PPP1R3G: variants seen among roughly 807,000 people sequenced by gnomAD.
PPP1R3G encodes protein phosphatase 1 regulatory subunit 3G.
PPP1R3G carries 3 observed loss-of-function variants against 2.0 expected under a neutral mutation model. The ratio of observed to expected loss-of-function variants is 1.47; its 90% CI spans 0.67 to 3.81. The LOEUF is 3.81. Among genes scored for constraint, PPP1R3G ranks in the 30% most tolerant of loss-of-function variants. The pLI is 0.02. For synonymous variants in PPP1R3G, 267 were observed against 250.9 expected (o/e 1.06, Z -0.61); for missense variants, 595 against 517.0 (o/e 1.15, Z -1.46).
chr6:5,086,710 C>A lies in PPP1R3G; in HGVS notation c.*148C>A. 2 of 676,602 alleles carry A rather than the reference C, an allele frequency of 3.0e-6. No individual in the cohort carries two copies. The highest frequency in any genetic ancestry group is 4.9e-6 in the Non-Finnish European group (2 of 407,940). 41.9% of individuals were successfully genotyped at this position (676,602 alleles called of 1,614,324 possible). A position where few individuals can be genotyped will look rare whatever the true frequency, so the allele number is the denominator to read the frequency against. ...GGAGGGAAAGGAGGGAGACTTTGAA[C>A]CGTCGACTCGCACCCCCGCAGACAA... On this transcript the variant is annotated 3_prime_UTR_variant, in exon 1 of 1. Transcript: ENST00000405617.
chr6:5,086,137 G>A lies in PPP1R3G; in HGVS notation c.652G>A (p.Val218Met). The A allele has an allele frequency of 6.7e-7, 1 of 1,492,054 alleles. No homozygotes were observed. Among genetic ancestry groups the A allele is most frequent in the Non-Finnish European group, 8.9e-7 (1 of 1,128,970 alleles). The allele number at this position is 1,492,054 out of a possible 1,614,324, so 92.4% of individuals were successfully genotyped here. A position where few individuals can be genotyped will look rare whatever the true frequency, so the allele number is the denominator to read the frequency against. ...GGCCGAGCGTCTGCAGCGGCAGCGC[G>A]TGTGCCTGGAGCGCGTGCAGTGCTC... ...AAAERLQRQR[V>M]CLERVQCSTA... Residue 218 changes from valine (V) to methionine (M), a missense_variant, in exon 1 of 1, where the codon GTG becomes ATG. Transcript: ENST00000405617.
Position 5,086,127 on chromosome 6 carries a change from G to A in PPP1R3G, c.642G>A (p.Gln214=). 1 of 1,477,046 alleles carries A rather than the reference G, an allele frequency of 6.8e-7. No individual in the cohort carries two copies. The highest frequency in any genetic ancestry group is 8.9e-7 in the Non-Finnish European group (1 of 1,122,946). 91.5% of individuals were successfully genotyped at this position (1,477,046 alleles called of 1,614,324 possible). A position where few individuals can be genotyped will look rare whatever the true frequency, so the allele number is the denominator to read the frequency against. Residue 214 remains glutamine, a synonymous_variant, in exon 1 of 1, where the codon CAG becomes CAA. Coordinates refer to ENST00000405617, the MANE Select transcript of PPP1R3G (RefSeq NM_001145115.3). The part of the protein sequence containing the change: ...PGPSAAAERL[Q]RQRVCLERVQ... ...CGAGCGCCGCGGCCGAGCGTCTGCA[G>A]CGGCAGCGCGTGTGCCTGGAGCGCG... is the stretch of plus-strand genomic sequence containing the variant.
chr6:5,085,880 T>G lies in PPP1R3G; in HGVS notation c.395T>G (p.Val132Gly). The G allele has an allele frequency of 6.5e-7, 1 of 1,531,296 alleles. No individual in the cohort carries two copies. The highest frequency in any genetic ancestry group is 1.4e-5 in the African/African-American group (1 of 72,570). 94.9% of individuals were successfully genotyped at this position (1,531,296 alleles called of 1,614,324 possible). A position where few individuals can be genotyped will look rare whatever the true frequency, so the allele number is the denominator to read the frequency against. The change falls in exon 1 of 1, where the codon GTG becomes GGG. Residue 132 changes from valine to glycine, a missense_variant. By Grantham distance (109) the Val-to-Gly change is moderately radical. Transcript: ENST00000405617. The part of the protein sequence containing the change: ...GGCCAKCKKR[V>G]QFADTLGLSL... ...TGCTGCGCCAAGTGCAAGAAGCGGG[T>G]GCAGTTCGCGGACACGCTGGGGCTA...
At position 5,087,995 on chromosome 6, in the gene PPP1R3G, A is replaced by G. The variant is rs949184591; in HGVS notation, c.*1433A>G. The G allele has an allele frequency of 4.6e-5, 7 of 152,198 alleles. No individual in the cohort carries two copies. The highest frequency in any genetic ancestry group is 1.4e-4 in the African/African-American group (6 of 41,444). 9.4% of individuals were successfully genotyped at this position (152,198 alleles called of 1,614,324 possible). On this transcript the variant is annotated 3_prime_UTR_variant, in exon 1 of 1. Coordinates refer to ENST00000405617, the MANE Select transcript of PPP1R3G (RefSeq NM_001145115.3). The stretch of plus-strand genomic sequence containing the variant: ...GTTGCTTGATAGAACAGGGCTGGGC[A>G]TACGTACATTTGGCCCATGGGCCAA...
rs1384638417 is a variant in PPP1R3G, at chr6:5,085,420, G to A, written c.-66G>A. ...CAGCCCTGCGCTCCTTCCACGGCCCGAGGAGTTAGTTAAGTCTCCAGAGGG... is the reference window on the plus strand; with the variant it reads ...CAGCCCTGCGCTCCTTCCACGGCCCAAGGAGTTAGTTAAGTCTCCAGAGGG... On this transcript the variant is annotated 5_prime_UTR_variant, in exon 1 of 1. Transcript: ENST00000405617. 13 of 1,211,774 alleles carry A rather than the reference G, an allele frequency of 1.1e-5. No homozygotes were observed. The highest frequency in any genetic ancestry group is 1.5e-5 in the South Asian group (1 of 68,810). The allele number at this position is 1,211,774 out of a possible 1,614,324, so 75.1% of individuals were successfully genotyped here.
Position 5,088,818 on chromosome 6 carries a change from C to T in PPP1R3G, c.*2256C>T, listed in dbSNP as rs1414215752. On this transcript the variant is annotated 3_prime_UTR_variant, in exon 1 of 1. Coordinates refer to ENST00000405617, the MANE Select transcript of PPP1R3G (RefSeq NM_001145115.3). ...AATAAACACGAAAATGTGAAAAGTG[C>T]GGTTATCATTGTGTCAGGCAGGGGA... 2.6e-5 allele frequency: 4 copies of T among 152,134 alleles called. No individual in the cohort carries two copies. The highest frequency in any genetic ancestry group is 7.2e-5 in the African/African-American group (3 of 41,414). 9.4% of individuals were successfully genotyped at this position (152,134 alleles called of 1,614,324 possible).
rs1337458651 is a variant in PPP1R3G, at chr6:5,088,784, C to T, written c.*2222C>T. On this transcript the variant is annotated 3_prime_UTR_variant, in exon 1 of 1. Coordinates refer to ENST00000405617, the MANE Select transcript of PPP1R3G (RefSeq NM_001145115.3). ...AAAGCTTTATATGACTCTCAGTAAT[C>T]TTGTTTAGAATAAACACGAAAATGT... is the stretch of plus-strand genomic sequence containing the variant. 3.9e-5 allele frequency: 6 copies of T among 152,170 alleles called. No individual in the cohort carries two copies. Among genetic ancestry groups the T allele is most frequent in the Admixed American group, 6.5e-5 (1 of 15,280 alleles). The allele number at this position is 152,170 out of a possible 1,614,324, so 9.4% of individuals were successfully genotyped here.
chr6:5,085,978 C>T lies in PPP1R3G; in HGVS notation c.493C>T (p.Arg165Ter), dbSNP rs574215008. The change falls in exon 1 of 1, where the codon CGA becomes TGA. Residue 165 changes from arginine to a stop codon, truncating the protein, a stop_gained. Coordinates refer to ENST00000405617, the MANE Select transcript of PPP1R3G (RefSeq NM_001145115.3). LOFTEE classifies it low-confidence loss of function (END_TRUNC). Reference sequence around the variant, plus strand: ...GCCGCCCGCCGTGCTCTCGCGCCTCCGAAGCTTCCCTATGCGTGCCGAGGA... The same window carrying T: ...GCCGCCCGCCGTGCTCTCGCGCCTCTGAAGCTTCCCTATGCGTGCCGAGGA... Reference protein sequence around the residue: ...QVPPAVLSRLRSFPMRAEDLE... With the variant: ...QVPPAVLSRL 4.6e-6 allele frequency: 7 copies of T among 1,526,844 alleles called. No homozygotes were observed. In the Admixed American group the frequency reaches 5.9e-5, roughly 13 times the overall value. The allele number at this position is 1,526,844 out of a possible 1,614,324, so 94.6% of individuals were successfully genotyped here. A position where few individuals can be genotyped will look rare whatever the true frequency, so the allele number is the denominator to read the frequency against.
chr6:5,086,773 G>A lies in PPP1R3G; in HGVS notation c.*211G>A, dbSNP rs1762046488. The stretch of plus-strand genomic sequence containing the variant: ...AGAGAGCCCGGGCAATGCTCCGAAA[G>A]CCTCTGACCTCAGTCTTCTCGTCCG... On this transcript the variant is annotated 3_prime_UTR_variant, in exon 1 of 1. Coordinates refer to ENST00000405617, the MANE Select transcript of PPP1R3G (RefSeq NM_001145115.3). 2 of 579,526 alleles carry A rather than the reference G, an allele frequency of 3.5e-6. No individual in the cohort carries two copies. The highest frequency in any genetic ancestry group is 3.0e-6 in the Non-Finnish European group (1 of 329,200). The allele number at this position is 579,526 out of a possible 1,614,324, so 35.9% of individuals were successfully genotyped here.
rs1257308875 is a variant in PPP1R3G, at chr6:5,085,784, A to C, written c.299A>C (p.Gln100Pro). 4 of 1,528,060 alleles carry C rather than the reference A, an allele frequency of 2.6e-6. No homozygotes were observed. The highest frequency in any genetic ancestry group is 3.5e-6 in the Non-Finnish European group (4 of 1,139,038). The allele number at this position is 1,528,060 out of a possible 1,614,324, so 94.7% of individuals were successfully genotyped here. The change falls in exon 1 of 1, where the codon CAG becomes CCG. Residue 100 changes from glutamine (Q) to proline (P), a missense_variant. Transcript: ENST00000405617. ...DPILQAAKFL[Q>P]QQQQQAVALG... ...ATCTTGCAGGCGGCCAAGTTCCTGC[A>C]GCAGCAGCAGCAACAGGCGGTGGCA...
rs667752 is a variant in PPP1R3G at position 5,085,836 on chromosome 6, A to G, written c.351A>G (p.Ala117=). The change falls in exon 1 of 1, where the codon GCA becomes GCG. Residue 117 remains alanine, a synonymous_variant. Coordinates refer to ENST00000405617, the MANE Select transcript of PPP1R3G (RefSeq NM_001145115.3). ...TGGGCGGCGAGGGGGCGGAGGACGC[A>G]CAGCTCGGCCCGGGCGGCTGCTGCG... ...VALGGEGAED[A]QLGPGGCCAK... is the part of the protein sequence containing the mutation. 1,527,889 of 1,527,890 alleles carry G rather than the reference A, an allele frequency of 1. 763,944 individuals are homozygous for G. The highest frequency in any genetic ancestry group is 1 in the Non-Finnish European group (1,141,918 of 1,141,918). The allele number at this position is 1,527,890 out of a possible 1,614,324, so 94.6% of individuals were successfully genotyped here. A position where few individuals can be genotyped will look rare whatever the true frequency, so the allele number is the denominator to read the frequency against.
At position 5,085,749 on chromosome 6, in the gene PPP1R3G, C is replaced by G. The variant is rs148308290; in HGVS notation, c.264C>G (p.Pro88=). ...RRCRARSFSL[P]ADPILQAAKF... ...GCCGCGCGCGCTCCTTTTCCTTGCC[C>G]GCCGACCCCATCTTGCAGGCGGCCA... Residue 88 remains proline (P), a synonymous_variant, in exon 1 of 1, where the codon CCC becomes CCG. Transcript: ENST00000405617. The G allele has an allele frequency of 3.1e-3, 4,791 of 1,538,350 alleles. 114 individuals are homozygous for G. In the African/African-American group the frequency reaches 0.055, roughly 18 times the overall value.
rs1762123484 is a variant in PPP1R3G, at chr6:5,089,058, T to C, written c.*2496T>C. On this transcript the variant is annotated 3_prime_UTR_variant, in exon 1 of 1. Transcript: ENST00000405617. Reference sequence around the variant, plus strand: ...AGTGTTTCCCAAAGTAAACTGATCATAGGAAAAAAATAATTTATTGACAGC... The same window carrying C: ...AGTGTTTCCCAAAGTAAACTGATCACAGGAAAAAAATAATTTATTGACAGC... 1 of 152,154 alleles carries C rather than the reference T, an allele frequency of 6.6e-6. No homozygotes were observed. The highest frequency in any genetic ancestry group is 2.1e-4 in the South Asian group (1 of 4,834). 9.4% of individuals were successfully genotyped at this position (152,154 alleles called of 1,614,324 possible).
rs926986115 is a variant in PPP1R3G, at chr6:5,085,502, C to A, written c.17C>A (p.Ala6Glu). Residue 6 changes from alanine (A) to glutamate (E), a missense_variant, in exon 1 of 1, where the codon GCG (alanine) becomes GAG (glutamate). By Grantham distance (107) the Ala-to-Glu change is moderately radical. Coordinates refer to ENST00000405617, the MANE Select transcript of PPP1R3G (RefSeq NM_001145115.3). Reference sequence around the variant, plus strand: ...AACGGCGTCATGGAGCCCATAGGGGCGCGGCTAAGTTTGGAGGCGCCGGGA... The same window carrying A: ...AACGGCGTCATGGAGCCCATAGGGGAGCGGCTAAGTTTGGAGGCGCCGGGA... MEPIG[A>E]RLSLEAPGPA... 3 of 1,536,552 alleles carry A rather than the reference C, an allele frequency of 2.0e-6. No homozygotes were observed. The highest frequency in any genetic ancestry group is 1.2e-5 in the South Asian group (1 of 83,754).
rs887869985 is a variant in PPP1R3G, at chr6:5,085,733, G to T, written c.248G>T (p.Arg83Leu). ...GAATGCCGCCGCCGCTGCCGCGCGCGCTCCTTTTCCTTGCCCGCCGACCCC... is the reference window on the plus strand; with the variant it reads ...GAATGCCGCCGCCGCTGCCGCGCGCTCTCCTTTTCCTTGCCCGCCGACCCC... ...LLECRRRCRA[R>L]SFSLPADPIL... is the part of the protein sequence containing the mutation. Residue 83 changes from arginine (R) to leucine (L), a missense_variant, in exon 1 of 1, where the codon CGC becomes CTC. Arg to Leu is a moderately radical substitution (Grantham distance 102). Coordinates refer to ENST00000405617, the MANE Select transcript of PPP1R3G (RefSeq NM_001145115.3). 1.3e-6 allele frequency: 2 copies of T among 1,543,050 alleles called. No homozygotes were observed. The highest frequency in any genetic ancestry group is 1.2e-5 in the South Asian group (1 of 83,562).
At position 5,086,761 on chromosome 6, in the gene PPP1R3G, A is replaced by G. The variant is rs1371423693; in HGVS notation, c.*199A>G. Reference sequence around the variant, plus strand: ...GTGAGCGAGCTTAGAGAGCCCGGGCAATGCTCCGAAAGCCTCTGACCTCAG... The same window carrying G: ...GTGAGCGAGCTTAGAGAGCCCGGGCGATGCTCCGAAAGCCTCTGACCTCAG... On this transcript the variant is annotated 3_prime_UTR_variant, in exon 1 of 1. Transcript: ENST00000405617. 2 of 589,060 alleles carry G rather than the reference A, an allele frequency of 3.4e-6. No homozygotes were observed. Among genetic ancestry groups the G allele is most frequent in the Non-Finnish European group, 3.0e-6 (1 of 334,286 alleles). The allele number at this position is 589,060 out of a possible 1,614,324, so 36.5% of individuals were successfully genotyped here.
In PPP1R3G at chr6:5,085,722, C is replaced by G; in HGVS notation, c.237C>G (p.Arg79=). 6.5e-7 allele frequency: 1 copy of G among 1,545,648 alleles called. No homozygotes were observed. Among genetic ancestry groups the G allele is most frequent in the Non-Finnish European group, 8.7e-7 (1 of 1,145,638 alleles). ...AGGAGCTGCTGGAATGCCGCCGCCG[C>G]TGCCGCGCGCGCTCCTTTTCCTTGC... ...EQEELLECRR[R]CRARSFSLPA... Residue 79 remains arginine (R), a synonymous_variant, in exon 1 of 1, where the codon CGC becomes CGG. Coordinates refer to ENST00000405617, the MANE Select transcript of PPP1R3G (RefSeq NM_001145115.3).
In PPP1R3G at chr6:5,086,835, T is replaced by G; in HGVS notation, c.*273T>G. ...TACAAGGCCTCTAGAATTCCCAGCC[T>G]GCGTCAGAATAGGAAGAAACTTCCA... On this transcript the variant is annotated 3_prime_UTR_variant, in exon 1 of 1. Transcript: ENST00000405617. 2 of 489,384 alleles carry G rather than the reference T, an allele frequency of 4.1e-6. No homozygotes were observed. The highest frequency in any genetic ancestry group is 3.4e-5 in the South Asian group (1 of 29,244). The allele number at this position is 489,384 out of a possible 1,614,324, so 30.3% of individuals were successfully genotyped here.
chr6:5,086,331 G>A lies in PPP1R3G; in HGVS notation c.846G>A (p.Gly282=). The change falls in exon 1 of 1, where the codon GGG becomes GGA. Residue 282 remains glycine (G), a synonymous_variant. Transcript: ENST00000405617. ...LEPQQPEAPS[G]ASEPGSGDAK... is the part of the protein sequence containing the mutation. ...CACAGCAGCCAGAGGCACCGTCTGG[G>A]GCCTCCGAGCCAGGGTCCGGGGATG... The A allele has an allele frequency of 6.5e-7, 1 of 1,535,806 alleles. No individual in the cohort carries two copies.
Sources: gnomAD v4.1 joint callset for allele counts on GRCh38, gnomAD v4.1.1 for gene constraint, MANE v1.5 for transcripts, NCBI Gene and HGNC (gene_info 2026-07-23, HGNC 2026-07-21) for gene names.